Variants in USP48 observed in about 807,000 individuals in gnomAD.
USP48 encodes ubiquitin carboxyl-terminal hydrolase 48.
Under a neutral mutation model 150.7 loss-of-function variants are expected in USP48, and 43 were observed. The ratio of observed to expected loss-of-function variants is 0.29; its 90% CI spans 0.22 to 0.37. The LOEUF is 0.37. USP48 is among the 10% of genes least tolerant of loss of function. USP48 has a pLI of 1.00. For missense variants in USP48, 813 were observed against 1,249.6 expected (o/e 0.65, Z 5.27); for synonymous variants, 396 against 425.9 (o/e 0.93, Z 0.86).
rs780579144 is a variant in USP48, at chr1:21,753,037, T to C, written c.495A>G (p.Pro165=). 1.9e-5 allele frequency: 30 copies of C among 1,611,858 alleles called. No individual in the cohort carries two copies. In the Admixed American group the frequency reaches 4.4e-4, roughly 23 times the overall value. The change falls in exon 4 of 27, where the codon CCA becomes CCG. Residue 165 remains proline (P), a synonymous_variant. Transcript: ENST00000308271. ...LQNSNRRYID[P]SGFVKALGLD... ...GGCCCAAGGCTTTAACAAATCCTGATGGATCAATGTATCGCCTATTACTGT... is the reference window on the plus strand; with the variant it reads ...GGCCCAAGGCTTTAACAAATCCTGACGGATCAATGTATCGCCTATTACTGT...
chr1:21,694,031 T>G (rs1247721704), intron 23 of USP48, among the ~76,000 whole-genome samples: 1 of 152,198 alleles, frequency 6.6e-6, no homozygotes, highest in African/African-American at 2.4e-5. Flanking sequence ...GCCAGAATTT[T>G]TTATGGACAT....
chr1:21,780,145 G>A (rs1042858352), intron 1 of USP48, among the ~76,000 whole-genome samples: 1 of 152,046 alleles, frequency 6.6e-6, no homozygotes, highest in African/African-American at 2.4e-5. Flanking sequence ...AGCAAAAGGT[G>A]GAAATAATCA....
In USP48 at chr1:21,780,103, T is replaced by C. The variant is rs534406697; in HGVS notation, c.134+2721A>G. ...TCAGATGTTCAGACCAAAACTTGTA[T>C]GCAAATGTTCAGAGAAGTACTACTC... On this transcript the variant is annotated intron_variant, in intron 1 of 26. Coordinates refer to ENST00000308271, the MANE Select transcript of USP48 (RefSeq NM_032236.8). Among the ~76,000 whole-genome samples, 215 of 152,276 alleles carry C rather than the reference T, an allele frequency of 1.4e-3. 2 individuals are homozygous for C. Among genetic ancestry groups the C allele is most frequent in the Non-Finnish European group, 2.6e-3 (177 of 68,024 alleles).
rs1189680235 is a variant in USP48, at chr1:21,747,105, G to A, written c.953C>T (p.Ser318Leu). 1.9e-6 allele frequency: 3 copies of A among 1,612,044 alleles called. No homozygotes were observed. The highest frequency in any genetic ancestry group is 2.5e-6 in the Non-Finnish European group (3 of 1,179,680). ...ATAAGGCTCCATATCCAAAATTTCT[G>A]AGAAGCCAATGTAGGTATTCAGCTT... is the stretch of plus-strand genomic sequence containing the variant. ...KKKLNTYIGFSEILDMEPYVE... is the reference protein window; with the variant it reads ...KKKLNTYIGFLEILDMEPYVE... Residue 318 changes from serine to leucine, a missense_variant, in exon 8 of 27, where the codon TCA becomes TTA. Ser to Leu is a moderately radical substitution (Grantham distance 145). Transcript: ENST00000308271.
intron 12 of USP48, 95 bp downstream of exon 12, chr1:21,723,803 T>C: frequency 9.0e-7 from 1 of 1,112,196 alleles, no homozygotes; most frequent in Non-Finnish European, 1.3e-6. Flanking sequence ...CTAGCATAGT[T>C]TGGGTCAAAT....
rs2097672725 is a variant in USP48 at position 21,706,408 on chromosome 1, AT to A, written c.2211+58del. The A allele has an allele frequency of 3.1e-6, 5 of 1,608,072 alleles. No individual in the cohort carries two copies. In the Admixed American group the frequency reaches 8.5e-5, roughly 27 times the overall value. On this transcript the variant is annotated intron_variant, in intron 17 of 26. Coordinates refer to ENST00000308271, the MANE Select transcript of USP48 (RefSeq NM_032236.8). ...GTTGTTCTGAAATAGCTCACTGGGA[AT>A]TTGGCAAGGGCTTTAAAAAGAAAAG...
chr1:21,759,181 C>CAAAAA (rs11341963), intron 1 of USP48, among the ~76,000 whole-genome samples: 62 of 69,260 alleles, frequency 9.0e-4, no homozygotes, highest in African/African-American at 2.9e-3. Flanking sequence ...GACACGGTCT[C>CAAAAA]AAAAAAAAAA....
At position 21,723,911 on chromosome 1, in the gene USP48, A is replaced by T. The variant is rs1557501163; in HGVS notation, c.1635T>A (p.Gly545=). ...ATCTTGAATTACCAGTTAGTCTTGG[A>T]CCTCCTCCATATCTACTATAGAAAA... ...ADIFYSRYGG[G]PRLTVKALCK... The change falls in exon 12 of 27, where the codon GGT becomes GGA. Residue 545 remains glycine (G), a synonymous_variant. Coordinates refer to ENST00000308271, the MANE Select transcript of USP48 (RefSeq NM_032236.8). The T allele has an allele frequency of 6.2e-7, 1 of 1,613,640 alleles. No homozygotes were observed. The highest frequency in any genetic ancestry group is 1.7e-5 in the Admixed American group (1 of 59,998).
intron 24 of USP48, among the ~76,000 whole-genome samples, chr1:21,688,189 G>T (rs189375506): frequency 1.3e-3 from 191 of 152,260 alleles, no homozygotes; most frequent in Non-Finnish European, 2.2e-3. Flanking sequence ...AGGGAGGGTA[G>T]AATTGGGCAA....
At chr1:21,728,868 G>T in intron 10 of USP48, 149 bp from the exon 11 acceptor site, 1 of 959,304 alleles carries the variant, frequency 1.0e-6, no homozygotes, top group Non-Finnish European at 1.5e-6. Context: ...CCTCCAAACT[G>T]AAGGCAGAAG....
chr1:21,771,503 T>C (rs1415060705), intron 1 of USP48, among the ~76,000 whole-genome samples: 1 of 151,070 alleles, frequency 6.6e-6, no homozygotes. Flanking sequence ...ATGAGAACCA[T>C]GAGAAAAATT....
intron 1 of USP48, among the ~76,000 whole-genome samples, chr1:21,775,072 A>G (rs1000359350): frequency 9.9e-5 from 15 of 152,090 alleles, no homozygotes; most frequent in Non-Finnish European, 1.9e-4. Context: ...ACAAGTTGCA[A>G]CAAAGTATGT....
At chr1:21,770,208 C>T (rs566533641) in intron 1 of USP48, among the ~76,000 whole-genome samples, 1 of 151,492 alleles carries the variant, frequency 6.6e-6, no homozygotes, top group South Asian at 2.1e-4. Context: ...CACACTACTG[C>T]TTACACATAA....
intron 8 of USP48, among the ~76,000 whole-genome samples, chr1:21,739,225 T>A (rs890727810): frequency 1.3e-5 from 2 of 151,832 alleles, no homozygotes; most frequent in Non-Finnish European, 2.9e-5. Flanking sequence ...GGTTTTTTTT[T>A]AATTGACAAA....
Position 21,757,642 on chromosome 1 carries a change from G to A in USP48, c.255+21C>T, listed in dbSNP as rs375356025. The A allele has an allele frequency of 3.0e-5, 48 of 1,599,674 alleles. No homozygotes were observed. In the African/African-American group the frequency reaches 3.2e-4, roughly 11 times the overall value. ...AAACAAAAAACAGCATATAGCAATC[G>A]CTTAAAAAATGATGGTTTACCTTTT... On this transcript the variant is annotated intron_variant, in intron 2 of 26. Transcript: ENST00000308271.
intron 21 of USP48, among the ~76,000 whole-genome samples, chr1:21,701,839 A>G (rs944397585): frequency 9.2e-5 from 14 of 152,168 alleles, no homozygotes; most frequent in African/African-American, 3.4e-4. Context: ...CTCACCATAC[A>G]TTTAAGAGGT....
chr1:21,732,152 C>A lies in USP48; in HGVS notation c.1172-2320G>T, dbSNP rs149746052. On this transcript the variant is annotated intron_variant, in intron 9 of 26. Transcript: ENST00000308271. ...TAATTAGCCAGGCATGGTGACGCGC[C>A]CCTCTAATCCTAGCTACTTGGGAGG... Among the ~76,000 whole-genome samples the A allele has an allele frequency of 2.2e-3, 336 of 152,082 alleles. 2 individuals are homozygous for A. Among genetic ancestry groups the A allele is most frequent in the African/African-American group, 7.0e-3 (289 of 41,480 alleles).
chr1:21,723,762 T>TC, intron 12 of USP48, 136 bp downstream of exon 12: 1 of 763,374 alleles, frequency 1.3e-6, no homozygotes, highest in Non-Finnish European at 2.1e-6. Context: ...ATTTAGCAAA[T>TC]CCTTTGTGCA....
chr1:21,705,861 G>C (rs759715880), intron 18 of USP48, 24 bp from the exon 19 acceptor site: 1 of 1,525,934 alleles, frequency 6.6e-7, no homozygotes, highest in Admixed American at 2.1e-5. Context: ...ACAAGGAGGA[G>C]AAATATACCT....
Sources: allele counts gnomAD v4.1 joint callset (sites outside exome capture counted in the v4.1 genomes callset), GRCh38; gene constraint gnomAD v4.1.1; transcripts MANE v1.5; gene names NCBI Gene and HGNC (gene_info 2026-07-23, HGNC 2026-07-21).